Variants in BOC observed in about 807,000 individuals in gnomAD.
BOC encodes BOC cell adhesion associated, oncogene regulated.
Under a neutral mutation model 112.0 loss-of-function variants are expected in BOC, and 76 were observed. The observed-to-expected ratio is 0.68, with a 90% confidence interval of 0.56 to 0.82. The LOEUF (loss-of-function observed/expected upper bound fraction) is 0.82. Among genes scored for constraint, BOC ranks in the 40% least tolerant of loss-of-function variants. The pLI is 0.00. For synonymous variants in BOC, 580 were observed against 599.8 expected (o/e 0.97, Z 0.48); for missense variants, 1,309 against 1,511.7 (o/e 0.87, Z 2.22).
chr3:113,272,175 T>C, intron 6 of BOC: 1 of 584,722 alleles, frequency 1.7e-6, no homozygotes, highest in Non-Finnish European at 3.0e-6. Flanking sequence ...GCTGCTGTTC[T>C]TCTGTGTTAT....
upstream of BOC, chr3:113,211,020 G>C (rs1389649931): frequency 1.3e-5 from 2 of 152,220 alleles, no homozygotes; most frequent in Non-Finnish European, 2.9e-5. Context: ...CGAGGGGGTC[G>C]GGGGAGGCTG....
chr3:113,255,576 A>G (rs1287405467), intron 4 of BOC, among the ~76,000 whole-genome samples: 1 of 152,174 alleles, frequency 6.6e-6, no homozygotes, highest in African/African-American at 2.4e-5. Context: ...GTAGCTACCT[A>G]TAATTCTAAA....
chr3:113,234,518 A>C (rs755732662), intron 2 of BOC, among the ~76,000 whole-genome samples: 1 of 152,182 alleles, frequency 6.6e-6, no homozygotes, highest in Non-Finnish European at 1.5e-5. Context: ...GCCATGCTAC[A>C]TTTCAATTTT....
intron 17 of BOC, 74 bp from the exon 18 acceptor site, chr3:113,284,708 T>C (rs997863317): frequency 3.9e-6 from 6 of 1,523,448 alleles, no homozygotes; most frequent in Non-Finnish European, 5.5e-6. Context: ...CAGATGCTCC[T>C]GTTGTTGAGT....
chr3:113,286,906 T>TTTTA lies in BOC; in HGVS notation c.*44_*45insTTTA. Reference sequence around the variant, plus strand: ...GAAAGACTATATATTGTTTTTTTTTTAAAAAAAAAAAGAAGAAAAAAGAGA... The same window carrying TTTTA: ...GAAAGACTATATATTGTTTTTTTTTTTTTAAAAAAAAAAAAGAAGAAAAAAGAGA... On this transcript the variant is annotated 3_prime_UTR_variant, in exon 20 of 20. Transcript: ENST00000682979. 4.0e-6 allele frequency: 5 copies of TTTTA among 1,254,604 alleles called. No homozygotes were observed. The highest frequency in any genetic ancestry group is 1.6e-5 in the African/African-American group (1 of 62,824). The allele number at this position is 1,254,604 out of a possible 1,614,324, so 77.7% of individuals were successfully genotyped here. A position where few individuals can be genotyped will look rare whatever the true frequency, so the allele number is the denominator to read the frequency against.
At position 113,278,161 on chromosome 3, in the gene BOC, C is replaced by T. The variant is rs371529850; in HGVS notation, c.1609C>T (p.Leu537Phe). 23 of 1,614,130 alleles carry T rather than the reference C, an allele frequency of 1.4e-5. No individual in the cohort carries two copies. Among genetic ancestry groups the T allele is most frequent in the African/African-American group, 4.0e-5 (3 of 74,934 alleles). ...GIPANQHRLT[L>F]TRLDPGSLYE... is the part of the protein sequence containing the mutation. ...TCCAGCCAACCAGCACCGCCTGACCCTCACCAGACTTGACCCCGGGAGCTT... is the reference window on the plus strand; with the variant it reads ...TCCAGCCAACCAGCACCGCCTGACCTTCACCAGACTTGACCCCGGGAGCTT... Residue 537 changes from leucine to phenylalanine, a missense_variant, in exon 10 of 20, where the codon CTC becomes TTC. Transcript: ENST00000682979. The surrounding 1 kb of genome is among the most constrained non-coding windows in gnomAD (Gnocchi z 4.2).
Position 113,287,118 on chromosome 3 carries a change from C to CG in BOC, c.*259dup, listed in dbSNP as rs1559898577. On this transcript the variant is annotated 3_prime_UTR_variant, in exon 20 of 20. Transcript: ENST00000682979. ...CAGGAAAGCACCGCACAGGCTGGCG[C>CG]GGGACAGACTCCTAACCTGGGGCCT... is the stretch of plus-strand genomic sequence containing the variant. 5 of 497,778 alleles carry CG rather than the reference C, an allele frequency of 1.0e-5. No individual in the cohort carries two copies. In the East Asian group the frequency reaches 2.8e-4, roughly 28 times the overall value. The allele number at this position is 497,778 out of a possible 1,614,324, so 30.8% of individuals were successfully genotyped here.
At chr3:113,282,515 G>C (rs1949287113) in intron 15 of BOC, among the ~76,000 whole-genome samples, 1 of 152,180 alleles carries the variant, frequency 6.6e-6, no homozygotes. Flanking sequence ...AAGGAACAAG[G>C]TAAAACCACT....
chr3:113,257,880 T>C (rs1364910622), intron 4 of BOC, among the ~76,000 whole-genome samples: 1 of 152,182 alleles, frequency 6.6e-6, no homozygotes, highest in African/African-American at 2.4e-5. Context: ...TATATTTGGA[T>C]GTTTTGGAGG....
intron 2 of BOC, among the ~76,000 whole-genome samples, chr3:113,243,572 C>T (rs1302696271): frequency 2.0e-5 from 3 of 152,050 alleles, no homozygotes; most frequent in South Asian, 2.1e-4. Context: ...GATGTTTGCC[C>T]GGAATATTTC....
Position 113,270,823 on chromosome 3 carries a change from A to G in BOC, c.546A>G (p.Ser182=), listed in dbSNP as rs751259473. Residue 182 remains serine, a synonymous_variant, in exon 6 of 20, where the codon TCA becomes TCG. Transcript: ENST00000682979. Reference sequence around the variant, plus strand: ...CAGGTAACTACCTGATCATGCCCTCAGGGAACCTCCAGATTGTGAATGCCA... The same window carrying G: ...CAGGTAACTACCTGATCATGCCCTCGGGGAACCTCCAGATTGTGAATGCCA... The part of the protein sequence containing the change: ...ASRGNYLIMP[S]GNLQIVNASQ... 6.2e-7 allele frequency: 1 copy of G among 1,613,360 alleles called. No homozygotes were observed. Among genetic ancestry groups the G allele is most frequent in the African/African-American group, 1.3e-5 (1 of 75,022 alleles).
At chr3:113,260,711 ACAGAACAGAAAGAACAGAACAGAAC>A (rs1333320810) in intron 4 of BOC, among the ~76,000 whole-genome samples, 1 of 127,144 alleles carries the variant, frequency 7.9e-6, no homozygotes, top group Non-Finnish European at 1.6e-5. Flanking sequence ...ACAGAACAGA[ACAGAACAGAAAGAACAGAACAGAAC>A]AGAACAGAAC....
intron 2 of BOC, among the ~76,000 whole-genome samples, chr3:113,223,735 T>G (rs984194213): frequency 1.3e-5 from 2 of 152,180 alleles, no homozygotes; most frequent in Non-Finnish European, 2.9e-5. Context: ...CTTCTTTCAC[T>G]TGGCAATCCC....
At chr3:113,238,059 GGT>G (rs1943806652) in intron 2 of BOC, among the ~76,000 whole-genome samples, 1 of 152,154 alleles carries the variant, frequency 6.6e-6, no homozygotes, top group Non-Finnish European at 1.5e-5. Context: ...TGTTATATAA[GGT>G]GTGTGAGATG....
intron 2 of BOC, among the ~76,000 whole-genome samples, chr3:113,219,485 T>C (rs1940154666): frequency 6.6e-6 from 1 of 152,242 alleles, no homozygotes; most frequent in African/African-American, 2.4e-5. Context: ...TAAATAATTG[T>C]AGGGACTTGT....
intron 4 of BOC, among the ~76,000 whole-genome samples, chr3:113,255,361 T>G (rs1396487144): frequency 2.6e-5 from 4 of 152,188 alleles, no homozygotes; most frequent in African/African-American, 9.7e-5. Context: ...CTCAGGCCTG[T>G]TCTCAACACA....
intron 2 of BOC, among the ~76,000 whole-genome samples, chr3:113,228,083 C>T (rs1437332861): frequency 6.6e-6 from 1 of 152,192 alleles, no homozygotes; most frequent in Non-Finnish European, 1.5e-5. Flanking sequence ...TGTTTCTGTG[C>T]ATCTCCTTTA....
chr3:113,225,075 TCAAAAA>T (rs929287851), intron 2 of BOC, among the ~76,000 whole-genome samples: 4 of 136,540 alleles, frequency 2.9e-5, no homozygotes, highest in African/African-American at 8.4e-5. Flanking sequence ...AGACTCCGTC[TCAAAAA>T]CAAAAACAAA....
At chr3:113,267,737 T>C (rs1576461442) in intron 4 of BOC, among the ~76,000 whole-genome samples, 1 of 152,096 alleles carries the variant, frequency 6.6e-6, no homozygotes, top group Non-Finnish European at 1.5e-5. Context: ...AGGCTGTTCT[T>C]TTTTTTTGAG....
Sources: allele counts gnomAD v4.1 joint callset (sites outside exome capture counted in the v4.1 genomes callset), GRCh38; gene constraint gnomAD v4.1.1; non-coding constraint Gnocchi (gnomAD v3.1); transcripts MANE v1.5; gene names NCBI Gene and HGNC (gene_info 2026-07-23, HGNC 2026-07-21).